VPS13D: variants seen among roughly 807,000 people sequenced by gnomAD.
The protein encoded by VPS13D is intermembrane lipid transfer protein VPS13D.
In VPS13D, 187 loss-of-function variants were observed where a neutral mutation model predicts 461.9. The ratio of observed to expected loss-of-function variants is 0.40; its 90% confidence interval spans 0.36 to 0.46. The LOEUF (loss-of-function observed/expected upper bound fraction) is 0.46. Among genes scored for constraint, VPS13D ranks in the 20% least tolerant of loss-of-function variants. The probability of loss-of-function intolerance (pLI) is 0.60; values close to 1 mark genes in which losing one functional copy is unlikely to be tolerated. For synonymous variants in VPS13D, 1,951 were observed against 1,986.3 expected (o/e 0.98, Z 0.47); for missense variants, 4,711 against 5,364.9 (o/e 0.88, Z 3.81).
chr1:12,395,996 GAT>G (rs58476786), intron 60 of VPS13D, among the ~76,000 whole-genome samples: 2,081 of 73,706 alleles, frequency 0.028, 60 homozygotes, highest in Non-Finnish European at 0.037. Context: ...ACTAATAGGA[GAT>G]ATATATATAT....
intron 63 of VPS13D, 77 bp downstream of exon 63, chr1:12,404,050 T>C (rs1404758082): frequency 2.2e-6 from 3 of 1,377,398 alleles, no homozygotes; most frequent in Non-Finnish European, 2.9e-6. Flanking sequence ...ATTTGTTGTT[T>C]GTTGTTGTGT....
intron 65 of VPS13D, among the ~76,000 whole-genome samples, chr1:12,422,704 A>T (rs1644878428): frequency 6.6e-6 from 1 of 151,912 alleles, no homozygotes. Context: ...TTGGTGAGAG[A>T]CCCTTTATAT....
Position 12,321,899 on chromosome 1 carries a change from T to G in VPS13D, c.7639T>G (p.Ser2547Ala), listed in dbSNP as rs1643047787. 6.2e-7 allele frequency: 1 copy of G among 1,613,904 alleles called. No individual in the cohort carries two copies. Among genetic ancestry groups the G allele is most frequent in the Non-Finnish European group, 8.5e-7 (1 of 1,179,942 alleles). Residue 2547 changes from serine (S) to alanine (A), a missense_variant, in exon 33 of 70, where the codon TCT becomes GCT. Physicochemically the swap from Ser to Ala is moderately conservative, Grantham distance 99 (BLOSUM62 1). This residue lies in a region of VPS13D where 4,411 missense variants were observed against 4,937.8 expected (regional missense o/e 0.89). Coordinates refer to ENST00000620676, the MANE Select transcript of VPS13D (RefSeq NM_015378.4). ...TCAAATGGAGTTGGTGGGGAATTCT[T>G]CTTATCAAAATAGTTCAGGATTGAT... ...QIQMELVGNS[S>A]YQNSSGLMDA...
chr1:12,253,654 T>C, intron 6 of VPS13D, 68 bp from the exon 7 acceptor site: 1 of 1,221,540 alleles, frequency 8.2e-7, no homozygotes, highest in Non-Finnish European at 1.2e-6. Flanking sequence ...ACAAATGGTT[T>C]GTTGAATGAA....
intron 63 of VPS13D, among the ~76,000 whole-genome samples, chr1:12,410,094 T>C (rs1415747009): frequency 1.3e-5 from 2 of 152,216 alleles, no homozygotes; most frequent in Non-Finnish European, 2.9e-5. Context: ...ATTGAAGGGC[T>C]AATATCTTAC....
chr1:12,277,291 G>A lies in VPS13D; in HGVS notation c.3703G>A (p.Val1235Ile). 1 of 1,614,224 alleles carries A rather than the reference G, an allele frequency of 6.2e-7. No homozygotes were observed. The highest frequency in any genetic ancestry group is 8.5e-7 in the Non-Finnish European group (1 of 1,180,042). The change falls in exon 19 of 70, where the codon GTT becomes ATT. Residue 1235 changes from valine (V) to isoleucine (I), a missense_variant. Val to Ile is a conservative substitution (Grantham distance 29). Transcript: ENST00000620676. ...ACAAGATAACGTTAAAAACCAGTAT[G>A]TTGTCAGCATTGGGAATTCTGTAGG... ...LTQDNVKNQY[V>I]VSIGNSVGYE...
intron 65 of VPS13D, among the ~76,000 whole-genome samples, chr1:12,431,345 C>G (rs539894718): frequency 6.6e-6 from 1 of 151,850 alleles, no homozygotes; most frequent in Admixed American, 6.6e-5. Flanking sequence ...AACCTTAAGG[C>G]CAGCCTTTAG....
intron 60 of VPS13D, among the ~76,000 whole-genome samples, chr1:12,390,264 A>G (rs1481015526): frequency 2.6e-5 from 4 of 152,146 alleles, no homozygotes; most frequent in Non-Finnish European, 4.4e-5. Context: ...AAACAGTACC[A>G]TATATTGGAT....
In VPS13D at chr1:12,293,625, A is replaced by G. The variant is rs1428642352; in HGVS notation, c.5954A>G (p.Glu1985Gly). Residue 1985 changes from glutamate to glycine, a missense_variant, in exon 24 of 70, where the codon GAG becomes GGG. Physicochemically the swap from Glu to Gly is moderately conservative, Grantham distance 98. Coordinates refer to ENST00000620676, the MANE Select transcript of VPS13D (RefSeq NM_015378.4). ...QYVHTQRFQA[E>G]VVAFIQHFTQ... ...GTGCATACTCAGCGTTTCCAGGCAG[A>G]GGTGGTGGCCTTCATTCAGCATTTC... 1.9e-6 allele frequency: 3 copies of G among 1,614,024 alleles called. No homozygotes were observed. In the African/African-American group the frequency reaches 4.0e-5, roughly 22 times the overall value.
chr1:12,340,458 A>C (rs1406379972), intron 40 of VPS13D, among the ~76,000 whole-genome samples: 1 of 152,184 alleles, frequency 6.6e-6, no homozygotes, highest in Non-Finnish European at 1.5e-5. Context: ...CAAAACTTTA[A>C]AAGAGGTAAG....
Position 12,348,903 on chromosome 1 carries a change from A to G in VPS13D, c.9150A>G (p.Ser3050=). 2 of 1,614,220 alleles carry G rather than the reference A, an allele frequency of 1.2e-6. No homozygotes were observed. The highest frequency in any genetic ancestry group is 1.7e-6 in the Non-Finnish European group (2 of 1,180,036). Residue 3050 remains serine, a synonymous_variant, in exon 45 of 70, where the codon TCA becomes TCG. Transcript: ENST00000620676. ...CACGGAAAGTCATCACTGTCCGGTCAGCCCTCATTGTGAGGAACAGACTTG... is the reference window on the plus strand; with the variant it reads ...CACGGAAAGTCATCACTGTCCGGTCGGCCCTCATTGTGAGGAACAGACTTG... ...GSARKVITVR[S]ALIVRNRLET... is the part of the protein sequence containing the mutation.
intron 27 of VPS13D, among the ~76,000 whole-genome samples, chr1:12,309,670 G>A (rs190379375): frequency 1.5e-3 from 224 of 150,836 alleles, no homozygotes; most frequent in African/African-American, 5.3e-3. Flanking sequence ...GCTGAGGCAG[G>A]AGAATTGATT....
In VPS13D at chr1:12,355,906, A is replaced by G. The variant is rs1225784741; in HGVS notation, c.9687A>G (p.Ser3229=). The change falls in exon 48 of 70, where the codon TCA becomes TCG. Residue 3229 remains serine, a synonymous_variant. Transcript: ENST00000620676. Reference sequence around the variant, plus strand: ...AGTTTGTATCTTCTTTAGGGGTATCACTGGAGAATTTCCCCCTCTGTAAAG... The same window carrying G: ...AGTTTGTATCTTCTTTAGGGGTATCGCTGGAGAATTTCCCCCTCTGTAAAG... The part of the protein sequence containing the change: ...DTSQNIELGV[S]LENFPLCKEL... The G allele has an allele frequency of 2.5e-6, 4 of 1,583,540 alleles. No homozygotes were observed. In the South Asian group the frequency reaches 4.5e-5, roughly 18 times the overall value.
rs148985558 is a variant in VPS13D at position 12,244,340 on chromosome 1, C to T, written c.270C>T (p.Ala90=). Reference sequence around the variant, plus strand: ...TCTCCAGCCTTCACTTAATTGGAGCCCCAGAGAAAATACAGGATTTCAATG... The same window carrying T: ...TCTCCAGCCTTCACTTAATTGGAGCTCCAGAGAAAATACAGGATTTCAATG... ...ISISSLHLIG[A]PEKIQDFNDE... is the part of the protein sequence containing the mutation. Residue 90 remains alanine (A), a synonymous_variant, in exon 4 of 70, where the codon GCC becomes GCT. Transcript: ENST00000620676. 6.2e-7 allele frequency: 1 copy of T among 1,614,096 alleles called. No homozygotes were observed. The highest frequency in any genetic ancestry group is 8.5e-7 in the Non-Finnish European group (1 of 1,180,028).
At chr1:12,326,224 C>T (rs1220423153) in intron 35 of VPS13D, among the ~76,000 whole-genome samples, 1 of 148,792 alleles carries the variant, frequency 6.7e-6, no homozygotes, top group Non-Finnish European at 1.5e-5. Flanking sequence ...TAATTTTATA[C>T]CCCTTAATGT....
At chr1:12,356,874 G>T (rs1225020884) in intron 49 of VPS13D, among the ~76,000 whole-genome samples, 1 of 152,242 alleles carries the variant, frequency 6.6e-6, no homozygotes, top group Non-Finnish European at 1.5e-5. Context: ...CACAGGAGCT[G>T]TCATCAGAAT....
chr1:12,267,942 T>C (rs772914991), intron 15 of VPS13D, 22 bp downstream of exon 15: 9 of 1,569,090 alleles, frequency 5.7e-6, no homozygotes, highest in African/African-American at 1.4e-5. Context: ...TATGTTGTTT[T>C]TTTAAAATTT....
At chr1:12,302,573 A>G (rs1642453841) in intron 25 of VPS13D, among the ~76,000 whole-genome samples, 1 of 152,150 alleles carries the variant, frequency 6.6e-6, no homozygotes, top group Non-Finnish European at 1.5e-5. Context: ...TGAGGATTTG[A>G]TTTTAAGTGG....
intron 52 of VPS13D, among the ~76,000 whole-genome samples, chr1:12,367,961 A>G (rs1420219153): frequency 2.0e-5 from 3 of 152,008 alleles, no homozygotes; most frequent in Non-Finnish European, 4.4e-5. Flanking sequence ...AATTGAGATG[A>G]GGTCTCACCA....
Sources: gnomAD v4.1 joint callset for allele counts (sites outside exome capture counted in the v4.1 genomes callset) on GRCh38, gnomAD v4.1.1 for gene constraint, gnomAD v4.1.1 regional missense constraint, MANE v1.5 for transcripts, NCBI Gene and HGNC (gene_info 2026-07-23, HGNC 2026-07-21) for gene names.